TMEM170A: variants seen among roughly 807,000 people sequenced by gnomAD.
TMEM170A encodes the protein transmembrane protein 170A.
A neutral mutation model predicts 12.8 loss-of-function variants in TMEM170A; 18 were observed. The observed-to-expected ratio is 1.41, with a 90% CI of 0.97 to 2.09. The LOEUF is 2.09. Ranked by LOEUF, TMEM170A falls within the 30% of genes most tolerant of loss-of-function variation. TMEM170A has a pLI of 0.00. For missense variants in TMEM170A, 220 were observed against 179.9 expected, an observed-to-expected ratio of 1.22 and a Z score of -1.28; for synonymous variants, 107 against 76.2, an observed-to-expected ratio of 1.40 and a Z score of -2.11.
chr16:75,455,262 CAGG>C (rs1289786922), intron 1 of TMEM170A, among the ~76,000 whole-genome samples: 1 of 147,228 alleles, frequency 6.8e-6, no homozygotes, highest in Non-Finnish European at 1.5e-5. Flanking sequence ...GAGGCTGAGG[CAGG>C]AGAATAGTGT....
At chr16:75,462,733 G>A (rs1438949611) in intron 1 of TMEM170A, among the ~76,000 whole-genome samples, 6 of 151,942 alleles carry the variant, frequency 3.9e-5, no homozygotes, top group Admixed American at 6.6e-5. Flanking sequence ...CTAAAGAGAC[G>A]GACAACTTAA....
intron 1 of TMEM170A, among the ~76,000 whole-genome samples, chr16:75,457,235 A>G (rs247452): frequency 1 from 151,630 of 152,330 alleles, 75,466 homozygotes; most frequent in Middle Eastern, 1. Context: ...ACCAGCTGCC[A>G]CAGAACCACT....
At chr16:75,460,289 T>C (rs2079879627) in intron 1 of TMEM170A, among the ~76,000 whole-genome samples, 2 of 152,242 alleles carry the variant, frequency 1.3e-5, no homozygotes, top group Admixed American at 1.3e-4. Flanking sequence ...TGTATAACTC[T>C]GTAAATATAC....
In TMEM170A at chr16:75,464,491, G is replaced by T; in HGVS notation, c.110C>A (p.Ser37Tyr). The T allele has an allele frequency of 6.4e-7, 1 of 1,572,652 alleles. No homozygotes were observed. The highest frequency in any genetic ancestry group is 1.4e-5 in the African/African-American group (1 of 71,282). The change falls in exon 1 of 3, where the codon TCT (serine) becomes TAT (tyrosine). Residue 37 changes from serine to tyrosine, a missense_variant. By Grantham distance (144) the Ser-to-Tyr change is moderately radical. Coordinates refer to ENST00000561878, the MANE Select transcript of TMEM170A (RefSeq NM_145254.3). ...ACCTGGGAAGGAGCAGAGGGAAGTAGAGTTGGGGCACAGGGTCCCGTTGCC... is the reference window on the plus strand; with the variant it reads ...ACCTGGGAAGGAGCAGAGGGAAGTATAGTTGGGGCACAGGGTCCCGTTGCC... ...RVGNGTLCPNSTSLCSFPEMW... is the reference protein window; with the variant it reads ...RVGNGTLCPNYTSLCSFPEMW...
In TMEM170A at chr16:75,445,405, G is replaced by C. The variant is rs918992192; in HGVS notation, c.*2153C>G. On this transcript the variant is annotated 3_prime_UTR_variant, in exon 3 of 3. Transcript: ENST00000561878. ...GCTCACAGCAGCCTGAACCTCCCAG[G>C]CACAAGTGATCCTCCCACTTTAGCC... The C allele has an allele frequency of 6.6e-6, 1 of 152,192 alleles. No homozygotes were observed. The highest frequency in any genetic ancestry group is 1.5e-5 in the Non-Finnish European group (1 of 68,052). The allele number at this position is 152,192 out of a possible 1,614,324, so 9.4% of individuals were successfully genotyped here.
chr16:75,443,950 C>T lies in TMEM170A; in HGVS notation c.*3608G>A, dbSNP rs2079541424. On this transcript the variant is annotated 3_prime_UTR_variant, in exon 3 of 3. Transcript: ENST00000561878. ...CTAAAAATACAAAAATTAGCTGGGC[C>T]TTGTGGCGGGTGCCAGTAATCCTAG... The T allele has an allele frequency of 6.6e-6, 1 of 151,966 alleles. No homozygotes were observed. The highest frequency in any genetic ancestry group is 2.1e-4 in the South Asian group (1 of 4,818). 9.4% of individuals were successfully genotyped at this position (151,966 alleles called of 1,614,324 possible).
At chr16:75,455,938 C>A (rs372916963) in intron 1 of TMEM170A, among the ~76,000 whole-genome samples, 19 of 152,282 alleles carry the variant, frequency 1.2e-4, no homozygotes, top group African/African-American at 4.1e-4. Context: ...AGAAGCTTTA[C>A]TGAAGCTGTA....
chr16:75,455,174 G>A (rs944973133), intron 1 of TMEM170A, among the ~76,000 whole-genome samples: 5 of 152,024 alleles, frequency 3.3e-5, no homozygotes, highest in African/African-American at 1.2e-4. Flanking sequence ...TGGCTAACAC[G>A]GTAAAACCCC....
chr16:75,459,714 G>A (rs185232334), intron 1 of TMEM170A, among the ~76,000 whole-genome samples: 7 of 152,144 alleles, frequency 4.6e-5, no homozygotes, highest in African/African-American at 9.6e-5. Context: ...AAATTTAGCC[G>A]GGTTTGGTGG....
Position 75,451,667 on chromosome 16 carries a change from A to G in TMEM170A, c.304+2T>C, listed in dbSNP as rs773993629. 3.1e-6 allele frequency: 5 copies of G among 1,614,092 alleles called. No homozygotes were observed. In the East Asian group the frequency reaches 1.1e-4, roughly 36 times the overall value. Reference sequence around the variant, plus strand: ...TGACTGGTATTTTAATGTCTAACATACTTGTCAAGATTCCAGCAGTAATTG... The same window carrying G: ...TGACTGGTATTTTAATGTCTAACATGCTTGTCAAGATTCCAGCAGTAATTG... On this transcript the variant is annotated splice_donor_variant, in intron 2 of 2. Transcript: ENST00000561878. LOFTEE classifies it high-confidence loss of function.
chr16:75,449,908 A>G (rs59155720), intron 2 of TMEM170A, among the ~76,000 whole-genome samples: 81,190 of 151,572 alleles, frequency 0.54, 22,329 homozygotes, highest in Admixed American at 0.64. Context: ...TATATCCAAG[A>G]GAGCAGCAAA....
At chr16:75,463,866 T>C (rs2151655069) in intron 1 of TMEM170A, among the ~76,000 whole-genome samples, 1 of 152,196 alleles carries the variant, frequency 6.6e-6, no homozygotes, top group South Asian at 2.1e-4. Context: ...GTGCCAAAGA[T>C]CTCGAAGGCT....
At chr16:75,464,028 G>A (rs1394659737) in intron 1 of TMEM170A, among the ~76,000 whole-genome samples, 2 of 152,342 alleles carry the variant, frequency 1.3e-5, no homozygotes, top group African/African-American at 4.8e-5. Flanking sequence ...CCGGGGCAAG[G>A]GGAGCGCGAG....
intron 1 of TMEM170A, among the ~76,000 whole-genome samples, chr16:75,457,237 A>G (rs932253673): frequency 6.6e-6 from 1 of 152,228 alleles, no homozygotes; most frequent in Non-Finnish European, 1.5e-5. Context: ...CAGCTGCCAC[A>G]GAACCACTGA....
In TMEM170A at chr16:75,447,780, G is replaced by T. The variant is rs764111579; in HGVS notation, c.305-92C>A. 7.4e-6 allele frequency: 10 copies of T among 1,350,114 alleles called. No individual in the cohort carries two copies. In the South Asian group the frequency reaches 1.2e-4, roughly 16 times the overall value. 83.6% of individuals were successfully genotyped at this position (1,350,114 alleles called of 1,614,324 possible). On this transcript the variant is annotated intron_variant, in intron 2 of 2. Transcript: ENST00000561878. The stretch of plus-strand genomic sequence containing the variant: ...AACATTTAAAATACTACTGCGAGTA[G>T]AATGTTCCAGATTTTATACTGAAAT...
intron 1 of TMEM170A, among the ~76,000 whole-genome samples, chr16:75,461,411 T>A (rs1306108932): frequency 6.6e-6 from 1 of 152,150 alleles, no homozygotes; most frequent in Non-Finnish European, 1.5e-5. Flanking sequence ...AAACTGCAAA[T>A]ACAGGTAATA....
Position 75,447,046 on chromosome 16 carries a change from T to C in TMEM170A, c.*512A>G, listed in dbSNP as rs1224635992. On this transcript the variant is annotated 3_prime_UTR_variant, in exon 3 of 3. Transcript: ENST00000561878. ...TTTTTTCCTGCTTTATTTCACCAAATTTGTTTTCAAAACTATACTCAACCA... is the reference window on the plus strand; with the variant it reads ...TTTTTTCCTGCTTTATTTCACCAAACTTGTTTTCAAAACTATACTCAACCA... 3 of 152,262 alleles carry C rather than the reference T, an allele frequency of 2.0e-5. No homozygotes were observed. The highest frequency in any genetic ancestry group is 7.2e-5 in the African/African-American group (3 of 41,472). The allele number at this position is 152,262 out of a possible 1,614,324, so 9.4% of individuals were successfully genotyped here. A position where few individuals can be genotyped will look rare whatever the true frequency, so the allele number is the denominator to read the frequency against.
At chr16:75,452,729 C>G (rs1306395175) in intron 1 of TMEM170A, 1 of 152,218 alleles carries the variant, frequency 6.6e-6, no homozygotes. Context: ...TGTGAGGCCA[C>G]CGCACCCGGC....
rs1307484238 is a variant in TMEM170A at position 75,464,631 on chromosome 16, G to C, written c.-31C>G. On this transcript the variant is annotated 5_prime_UTR_variant, in exon 1 of 3. Transcript: ENST00000561878. ...CGCCATTCACCACAGAGAAATGAGG[G>C]ACGAGCGCCCGAAGTGCGGTAGCGG... The C allele has an allele frequency of 5.1e-6, 8 of 1,560,056 alleles. No homozygotes were observed. Among genetic ancestry groups the C allele is most frequent in the Non-Finnish European group, 6.9e-6 (8 of 1,158,270 alleles).
Sources: allele counts gnomAD v4.1 joint callset (sites outside exome capture counted in the v4.1 genomes callset), GRCh38; gene constraint gnomAD v4.1.1; transcripts MANE v1.5; gene names NCBI Gene and HGNC (gene_info 2026-07-23, HGNC 2026-07-21).